The following PRKX variants were observed in gnomAD, a reference collection of about 807,000 sequenced individuals.
The protein encoded by PRKX is protein kinase cAMP-dependent X-linked catalytic subunit.
In PRKX, 12 loss-of-function variants were observed where a neutral mutation model predicts 22.0. That is an observed-to-expected ratio of 0.54 (90% confidence interval 0.35 to 0.88). The LOEUF is 0.88. Among genes scored for constraint, PRKX ranks in the 40% least tolerant of loss-of-function variants. The probability of loss-of-function intolerance (pLI) is 0.01; values close to 1 mark genes in which losing one functional copy is unlikely to be tolerated. For missense variants in PRKX, 217 were observed against 308.0 expected, an observed-to-expected ratio of 0.70 and a Z score of 2.21; for synonymous variants, 134 against 137.7, an observed-to-expected ratio of 0.97 and a Z score of 0.19.
At chrX:3,662,998 TAAAAA>T (rs56411206) in intron 2 of PRKX, among the ~76,000 whole-genome samples, 3 of 78,490 alleles carry the variant, frequency 3.8e-5, no homozygotes, top group African/African-American at 1.5e-4. Flanking sequence ...GCCCTGTCTT[TAAAAA>T]AAAAAAAAAA....
At chrX:3,703,539 A>G (rs768417647) in intron 1 of PRKX, among the ~76,000 whole-genome samples, 3 of 111,309 alleles carry the variant, frequency 2.7e-5, no homozygotes, top group Middle Eastern at 4.6e-3. Context: ...CTCCTCTGCA[A>G]ATCATTTACA....
At chrX:3,613,074 C>T (rs1328426284) in intron 7 of PRKX, among the ~76,000 whole-genome samples, 1 of 94,748 alleles carries the variant, frequency 1.1e-5, no homozygotes, top group Non-Finnish European at 2.1e-5. Flanking sequence ...TCGCTTGAAC[C>T]TGGGAGGCGG....
At chrX:3,685,053 G>C (rs1022833635) in intron 1 of PRKX, among the ~76,000 whole-genome samples, 6 of 111,380 alleles carry the variant, frequency 5.4e-5, no homozygotes, top group African/African-American at 2.0e-4. Flanking sequence ...CTGACCTCAA[G>C]TGATTCGCCT....
rs1927916020 is a variant in PRKX at position 3,674,775 on chromosome X, A to G, written c.167-9T>C. 1 of 1,209,415 alleles carries G rather than the reference A, an allele frequency of 8.3e-7. No homozygotes were observed. Among genetic ancestry groups the G allele is most frequent in the African/African-American group, 1.7e-5 (1 of 57,812 alleles). ...CCCGAACGTCCCAGTGCCTGGAGAG[A>G]GAAGAAATCGACAGAGGTCATTAAG... On this transcript the variant is annotated splice_polypyrimidine_tract_variant and intron_variant, in intron 1 of 8. Coordinates refer to ENST00000262848, the MANE Select transcript of PRKX (RefSeq NM_005044.5).
At position 3,604,766 on chromosome X, in the gene PRKX, C is replaced by G. The variant is rs765383046; in HGVS notation, c.*4203G>C. The stretch of plus-strand genomic sequence containing the variant: ...TCAGAGCACAAGGACTGTGGAAAGG[C>G]TTCAAGTCTCATCTGCTAAAACACA... On this transcript the variant is annotated 3_prime_UTR_variant, in exon 9 of 9. Coordinates refer to ENST00000262848, the MANE Select transcript of PRKX (RefSeq NM_005044.5). The G allele has an allele frequency of 8.9e-6, 1 of 112,032 alleles. No homozygotes were observed. Among genetic ancestry groups the G allele is most frequent in the African/African-American group, 3.2e-5 (1 of 30,804 alleles). The allele number at this position is 112,032 out of a possible 1,213,427, so 9.2% of individuals were successfully genotyped here.
rs745681760 is a variant in PRKX at position 3,655,238 on chromosome X, G to A, written c.510C>T (p.Tyr170=). Residue 170 remains tyrosine, a synonymous_variant, in exon 3 of 9, where the codon TAC becomes TAT. Coordinates refer to ENST00000262848, the MANE Select transcript of PRKX (RefSeq NM_005044.5). ...GGATGTTCTCTGGCTTCAAGTCCCT[G>A]TAGACGATCTCTTTGGAGTGCAGGT... is the stretch of plus-strand genomic sequence containing the variant. The part of the protein sequence containing the change: ...IEYLHSKEIV[Y]RDLKPENILL... 17 of 1,210,533 alleles carry A rather than the reference G, an allele frequency of 1.4e-5. No individual in the cohort carries two copies. The Admixed American group carries it at 2.0e-4, about 14-fold the overall frequency.
chrX:3,691,107 T>C (rs1484017394), intron 1 of PRKX, among the ~76,000 whole-genome samples: 3 of 111,931 alleles, frequency 2.7e-5, no homozygotes, highest in African/African-American at 9.7e-5. Flanking sequence ...GTCTAGAAAG[T>C]CTGAGCCCCG....
intron 1 of PRKX, among the ~76,000 whole-genome samples, chrX:3,680,741 C>A (rs1161763594): frequency 1.8e-5 from 2 of 112,038 alleles, no homozygotes; most frequent in East Asian, 5.6e-4. Flanking sequence ...AGACTCACAA[C>A]TGGCGGCTTG....
chrX:3,688,661 G>A (rs1455237919), intron 1 of PRKX, among the ~76,000 whole-genome samples: 19 of 109,963 alleles, frequency 1.7e-4, no homozygotes, highest in South Asian at 3.9e-4. Flanking sequence ...CCAGGAGATC[G>A]AGACTAGCCT....
chrX:3,651,835 T>C (rs1434022767), intron 3 of PRKX, among the ~76,000 whole-genome samples: 6 of 111,924 alleles, frequency 5.4e-5, no homozygotes, highest in Non-Finnish European at 1.1e-4. Flanking sequence ...TGTGCAATCC[T>C]GGGTATTTGA....
At position 3,677,259 on chromosome X, in the gene PRKX, C is replaced by T. The variant is rs190197602; in HGVS notation, c.167-2493G>A. Reference sequence around the variant, plus strand: ...TGAAATTTTATATATAAATAGCTCACATATACAATAGTAAAATTGTATATA... The same window carrying T: ...TGAAATTTTATATATAAATAGCTCATATATACAATAGTAAAATTGTATATA... On this transcript the variant is annotated intron_variant, in intron 1 of 8. Transcript: ENST00000262848. Among the ~76,000 whole-genome samples, 156 of 109,475 alleles carry T rather than the reference C, an allele frequency of 1.4e-3. No individual in the cohort carries two copies. The Middle Eastern group carries it at 0.028, about 20-fold the overall frequency.
chrX:3,694,013 G>T (rs6567587), intron 1 of PRKX, among the ~76,000 whole-genome samples: 1 of 106,268 alleles, frequency 9.4e-6, no homozygotes, highest in South Asian at 4.2e-4. Flanking sequence ...CTCCAGATAA[G>T]GCCATCCTGG....
intron 3 of PRKX, among the ~76,000 whole-genome samples, chrX:3,654,870 T>C (rs1424720956): frequency 9.0e-6 from 1 of 111,005 alleles, no homozygotes; most frequent in Non-Finnish European, 1.9e-5. Flanking sequence ...CATTTCCTCA[T>C]CATTTCGGAT....
rs56151192 is a variant in PRKX, at chrX:3,626,308, G to A, written c.815+111C>T. The A allele has an allele frequency of 2.1e-3, 1,112 of 540,760 alleles. 4 individuals carry two copies. Among genetic ancestry groups the A allele is most frequent in the Non-Finnish European group, 1.9e-3 (638 of 330,553 alleles). The allele number at this position is 540,760 out of a possible 1,213,427, so 44.6% of individuals were successfully genotyped here. Reference sequence around the variant, plus strand: ...GACAACTGTCCAAAATAGTTTATGCGCAGCACATTTAATAACACAATATGG... The same window carrying A: ...GACAACTGTCCAAAATAGTTTATGCACAGCACATTTAATAACACAATATGG... On this transcript the variant is annotated intron_variant, in intron 5 of 8. Transcript: ENST00000262848.
At chrX:3,643,972 C>T in intron 3 of PRKX, among the ~76,000 whole-genome samples, 1 of 110,069 alleles carries the variant, frequency 9.1e-6, no homozygotes, top group Middle Eastern at 4.7e-3. Flanking sequence ...CTTTCCTTCC[C>T]TTCCCCACCA....
At chrX:3,705,632 A>G (rs1312753306) in intron 1 of PRKX, among the ~76,000 whole-genome samples, 1 of 111,033 alleles carries the variant, frequency 9.0e-6, no homozygotes, top group African/African-American at 3.3e-5. Flanking sequence ...AAGCACTTTC[A>G]GCTTTTTGGA....
At chrX:3,693,802 T>C (rs1318366843) in intron 1 of PRKX, among the ~76,000 whole-genome samples, 2 of 107,642 alleles carry the variant, frequency 1.9e-5, no homozygotes, top group African/African-American at 3.4e-5. Context: ...TAGCCGGGTG[T>C]GGTGGCGGGT....
chrX:3,657,624 T>C (rs2146585353), intron 2 of PRKX, among the ~76,000 whole-genome samples: 1 of 112,338 alleles, frequency 8.9e-6, no homozygotes, highest in South Asian at 3.7e-4. Flanking sequence ...CCTGGAACTA[T>C]CATTAAGCCT....
At chrX:3,664,783 T>C (rs1477809415) in intron 2 of PRKX, among the ~76,000 whole-genome samples, 1 of 110,862 alleles carries the variant, frequency 9.0e-6, no homozygotes, top group African/African-American at 3.3e-5. Flanking sequence ...GACACAGAAA[T>C]GGAAATAACA....
Sources: allele counts gnomAD v4.1 joint callset (sites outside exome capture counted in the v4.1 genomes callset), GRCh38; gene constraint gnomAD v4.1.1; transcripts MANE v1.5; gene names NCBI Gene and HGNC (gene_info 2026-07-23, HGNC 2026-07-21).